SMNDC1: variants seen among roughly 807,000 people sequenced by gnomAD.
SMNDC1 encodes the protein survival motor neuron domain containing 1, also known as survival of motor neuron-related-splicing factor 30.
In SMNDC1, 5 loss-of-function variants were observed where a neutral mutation model predicts 29.2. The ratio of observed to expected loss-of-function variants is 0.17; its 90% CI spans 0.09 to 0.36. The LOEUF (loss-of-function observed/expected upper bound fraction) is 0.36. Ranked by LOEUF, SMNDC1 falls within the 10% of genes least tolerant of loss-of-function variation. SMNDC1 has a pLI of 1.00. For synonymous variants in SMNDC1, 80 were observed against 89.9 expected (o/e 0.89, Z 0.62); for missense variants, 142 against 268.5 (o/e 0.53, Z 3.29).
At chr10:110,295,550 A>T (rs1473338677) in intron 4 of SMNDC1, among the ~76,000 whole-genome samples, 169 bp from the exon 5 acceptor site, 1 of 152,160 alleles carries the variant, frequency 6.6e-6, no homozygotes, top group African/African-American at 2.4e-5. Flanking sequence ...ATTACTAAGA[A>T]ATGTTTTTTT....
intron 5 of SMNDC1, among the ~76,000 whole-genome samples, chr10:110,294,879 T>G (rs1857543371): frequency 6.6e-6 from 1 of 152,218 alleles, no homozygotes; most frequent in Non-Finnish European, 1.5e-5. Context: ...AATGCACTTT[T>G]AAATAAAATC....
In SMNDC1 at chr10:110,292,317, C is replaced by T. The variant is rs186302869; in HGVS notation, c.*1833G>A. ...TTAAGGTCACTTTTATTCTTTTTCT[C>T]TCTCCTACTGCAAAGTCCTCTGGGA... On this transcript the variant is annotated 3_prime_UTR_variant, in exon 6 of 6. Transcript: ENST00000369603. 5.2e-4 allele frequency: 79 copies of T among 151,892 alleles called. No individual in the cohort carries two copies. Among genetic ancestry groups the T allele is most frequent in the African/African-American group, 1.7e-3 (72 of 41,398 alleles). The allele number at this position is 151,892 out of a possible 1,614,324, so 9.4% of individuals were successfully genotyped here. A position where few individuals can be genotyped will look rare whatever the true frequency, so the allele number is the denominator to read the frequency against.
rs556385842 is a variant in SMNDC1 at position 110,293,958 on chromosome 10, T to C, written c.*192A>G. ...ACAAACTTTGAGGGAACCGTGGTAC[T>C]GATAATGAGAAAAGTTAAATGAATA... On this transcript the variant is annotated 3_prime_UTR_variant, in exon 6 of 6. Coordinates refer to ENST00000369603, the MANE Select transcript of SMNDC1 (RefSeq NM_005871.4). 1 of 453,356 alleles carries C rather than the reference T, an allele frequency of 2.2e-6. No homozygotes were observed. The highest frequency in any genetic ancestry group is 4.2e-5 in the South Asian group (1 of 24,082). 28.1% of individuals were successfully genotyped at this position (453,356 alleles called of 1,614,324 possible). A position where few individuals can be genotyped will look rare whatever the true frequency, so the allele number is the denominator to read the frequency against.
chr10:110,302,149 G>A (rs757823024), intron 2 of SMNDC1, among the ~76,000 whole-genome samples: 3 of 152,174 alleles, frequency 2.0e-5, no homozygotes, highest in Non-Finnish European at 2.9e-5. Context: ...GAAAATAAGA[G>A]GTCGGTGTGC....
Position 110,294,279 on chromosome 10 carries a change from C to T in SMNDC1, c.588G>A (p.Arg196=). 6.3e-7 allele frequency: 1 copy of T among 1,578,276 alleles called. No individual in the cohort carries two copies. Among genetic ancestry groups the T allele is most frequent in the East Asian group, 2.3e-5 (1 of 42,940 alleles). ...CACTCTCAGGTGAAGCAAAAATACT[C>T]CTCTTTACCTAAGGGAAAGAAAACA... ...YSKNKKGQVK[R]SIFASPESVT... is the part of the protein sequence containing the mutation. The change falls in exon 6 of 6, where the codon AGG becomes AGA. Residue 196 remains arginine, a synonymous_variant. Transcript: ENST00000369603.
intron 3 of SMNDC1, among the ~76,000 whole-genome samples, chr10:110,298,025 G>C (rs1048941170): frequency 6.6e-6 from 1 of 152,114 alleles, no homozygotes; most frequent in Non-Finnish European, 1.5e-5. Context: ...GAGTCTCACT[G>C]TCGCCCAGGC....
At chr10:110,298,224 A>G (rs1857594815) in intron 3 of SMNDC1, among the ~76,000 whole-genome samples, 1 of 152,112 alleles carries the variant, frequency 6.6e-6, no homozygotes, top group Non-Finnish European at 1.5e-5. Flanking sequence ...CCTGACCTCA[A>G]GCGATCTGCC....
chr10:110,295,638 C>CT (rs34495271), intron 4 of SMNDC1, among the ~76,000 whole-genome samples: 60,160 of 142,198 alleles, frequency 0.42, 15,318 homozygotes, highest in East Asian at 0.83. Context: ...TCAACTATGC[C>CT]TTTTTTTTTT....
rs985083896 is a variant in SMNDC1 at position 110,304,748 on chromosome 10, C to T, written c.-1G>A. The T allele has an allele frequency of 6.9e-6, 1 of 145,836 alleles. No homozygotes were observed. Among genetic ancestry groups the T allele is most frequent in the African/African-American group, 2.5e-5 (1 of 39,792 alleles). The allele number at this position is 145,836 out of a possible 1,614,324, so 9.0% of individuals were successfully genotyped here. A position where few individuals can be genotyped will look rare whatever the true frequency, so the allele number is the denominator to read the frequency against. ...CTCTCTCCCTCAGGGGGGTTGTTAC[C>T]TTGTGTGGGGCTGGGGGCGGGGCGG... On this transcript the variant is annotated splice_region_variant and 5_prime_UTR_variant, in exon 1 of 6. Transcript: ENST00000369603.
chr10:110,299,954 C>G (rs79328836), intron 2 of SMNDC1, among the ~76,000 whole-genome samples: 7,691 of 152,224 alleles, frequency 0.051, 287 homozygotes, highest in Middle Eastern at 0.15. Context: ...AATAATATCT[C>G]TAAGTTTTAT....
intron 3 of SMNDC1, among the ~76,000 whole-genome samples, chr10:110,297,983 T>C (rs913006826): frequency 1.3e-5 from 2 of 152,192 alleles, no homozygotes; most frequent in African/African-American, 2.4e-5. Context: ...TCTTTGAGAA[T>C]AGAGGTTTCT....
rs1487412933 is a variant in SMNDC1, at chr10:110,290,803, A to G, written c.*3347T>C. The G allele has an allele frequency of 2.0e-5, 3 of 152,212 alleles. No individual in the cohort carries two copies. The highest frequency in any genetic ancestry group is 7.2e-5 in the African/African-American group (3 of 41,456). The allele number at this position is 152,212 out of a possible 1,614,324, so 9.4% of individuals were successfully genotyped here. On this transcript the variant is annotated 3_prime_UTR_variant, in exon 6 of 6. Transcript: ENST00000369603. Reference sequence around the variant, plus strand: ...ATATTTCAGTTACTACCCAAGTTAAAGCAAAAAGCTAAATCAAAGCTTTAA... The same window carrying G: ...ATATTTCAGTTACTACCCAAGTTAAGGCAAAAAGCTAAATCAAAGCTTTAA...
chr10:110,298,934 G>C (rs1401873293), intron 2 of SMNDC1, 144 bp from the exon 3 acceptor site: 1 of 584,630 alleles, frequency 1.7e-6, no homozygotes, highest in Non-Finnish European at 2.9e-6. Flanking sequence ...CAAGTACTGT[G>C]ATTATCCCCA....
At chr10:110,296,620 C>G (rs1233961357) in intron 4 of SMNDC1, among the ~76,000 whole-genome samples, 1 of 152,162 alleles carries the variant, frequency 6.6e-6, no homozygotes, top group East Asian at 1.9e-4. Flanking sequence ...TCCCTGGGTT[C>G]AGGCCATCAT....
intron 4 of SMNDC1, 106 bp from the exon 5 acceptor site, chr10:110,295,487 T>C: frequency 1.4e-6 from 1 of 726,608 alleles, no homozygotes; most frequent in Non-Finnish European, 2.1e-6. Flanking sequence ...ACATATACAA[T>C]GGTCTATGAA....
intron 4 of SMNDC1, among the ~76,000 whole-genome samples, chr10:110,297,242 T>C (rs899301230): frequency 3.9e-5 from 6 of 152,212 alleles, no homozygotes; most frequent in African/African-American, 1.4e-4. Flanking sequence ...AGTTTTCTTC[T>C]CTAAATATAA....
chr10:110,301,264 G>C (rs1467272227), intron 2 of SMNDC1, among the ~76,000 whole-genome samples: 1 of 140,162 alleles, frequency 7.1e-6, no homozygotes, highest in African/African-American at 2.5e-5. Context: ...GGGAATGAGG[G>C]GGGGAACCCC....
chr10:110,302,046 GTTTTC>G (rs1402553311), intron 2 of SMNDC1, among the ~76,000 whole-genome samples: 2 of 152,176 alleles, frequency 1.3e-5, no homozygotes, highest in African/African-American at 4.8e-5. Context: ...GGCACCCAGT[GTTTTC>G]TTTTCCTAAA....
At chr10:110,299,479 CA>C (rs1454678474) in intron 2 of SMNDC1, among the ~76,000 whole-genome samples, 1 of 152,090 alleles carries the variant, frequency 6.6e-6, no homozygotes, top group Non-Finnish European at 1.5e-5. Context: ...TTCTGTGTGG[CA>C]AATATTTTTT....
Sources: allele counts gnomAD v4.1 joint callset (sites outside exome capture counted in the v4.1 genomes callset), GRCh38; gene constraint gnomAD v4.1.1; transcripts MANE v1.5; gene names NCBI Gene and HGNC (gene_info 2026-07-23, HGNC 2026-07-21).